Variants in PALLD observed in about 807,000 individuals in gnomAD.
PALLD encodes the protein palladin, cytoskeletal associated protein.
A neutral mutation model predicts 123.5 loss-of-function variants in PALLD; 61 were observed. The ratio of observed to expected loss-of-function variants is 0.49; its 90% CI spans 0.40 to 0.61. The LOEUF (loss-of-function observed/expected upper bound fraction) is 0.61, where lower values mean the gene tolerates loss of function less well. Ranked by LOEUF, PALLD falls within the 20% of genes least tolerant of loss-of-function variation. The probability of loss-of-function intolerance (pLI) is 0.00; values close to 1 mark genes in which losing one functional copy is unlikely to be tolerated. For missense variants in PALLD, 1,273 were observed against 1,377.0 expected, an observed-to-expected ratio of 0.92 and a Z score of 1.20; for synonymous variants, 465 against 496.4, an observed-to-expected ratio of 0.94 and a Z score of 0.84.
chr4:168,873,833 T>G (rs1170971446), intron 10 of PALLD, among the ~76,000 whole-genome samples: 1 of 152,140 alleles, frequency 6.6e-6, no homozygotes, highest in Non-Finnish European at 1.5e-5. Context: ...GGTGTGTGTC[T>G]CCAGTGCTAG....
intron 10 of PALLD, among the ~76,000 whole-genome samples, chr4:168,807,106 A>T (rs1043633751): frequency 6.6e-6 from 1 of 152,156 alleles, no homozygotes; most frequent in Admixed American, 6.5e-5. Flanking sequence ...ACTTCTTGGT[A>T]AGCAGGAGGA....
Position 168,796,160 on chromosome 4 carries a change from T to G in PALLD, c.1964+84237T>G, listed in dbSNP as rs6553115. Among the ~76,000 whole-genome samples, 822 of 152,296 alleles carry G rather than the reference T, an allele frequency of 5.4e-3. 5 individuals carry two copies. The highest frequency in any genetic ancestry group is 0.018 in the African/African-American group (745 of 41,558). On this transcript the variant is annotated intron_variant, in intron 10 of 21. Coordinates refer to ENST00000505667, the MANE Select transcript of PALLD (RefSeq NM_001166108.2). ...GGGTCTTATTCATTCTTCTATTTTTTTGTACCCATCAACCACCCTCACCTC... is the reference window on the plus strand; with the variant it reads ...GGGTCTTATTCATTCTTCTATTTTTGTGTACCCATCAACCACCCTCACCTC...
chr4:168,664,294 A>C (rs1211883892), intron 2 of PALLD, among the ~76,000 whole-genome samples: 1 of 152,230 alleles, frequency 6.6e-6, no homozygotes, highest in Non-Finnish European at 1.5e-5. Flanking sequence ...TTAAGGCTAA[A>C]GAAAATAATC....
chr4:168,518,661 A>C (rs991689847), intron 2 of PALLD, among the ~76,000 whole-genome samples: 5 of 152,142 alleles, frequency 3.3e-5, no homozygotes, highest in African/African-American at 9.7e-5. Flanking sequence ...ATGGCCTCCT[A>C]TAACTACTCT....
At chr4:168,832,113 C>T in intron 10 of PALLD, 2 of 985,460 alleles carry the variant, frequency 2.0e-6, no homozygotes, top group Non-Finnish European at 2.4e-6. Context: ...CCCGCTGCAG[C>T]TCCCGCTCGC....
rs553579018 is a variant in PALLD, at chr4:168,538,183, C to T, written c.908+25771C>T. ...ATTTTAAAAATAAGTAGAAGCAAAA[C>T]GGGAATGATAATTGAAAATGTATAG... On this transcript the variant is annotated intron_variant, in intron 2 of 21. Coordinates refer to ENST00000505667, the MANE Select transcript of PALLD (RefSeq NM_001166108.2). Among the ~76,000 whole-genome samples the T allele has an allele frequency of 4.6e-5, 7 of 152,162 alleles. No homozygotes were observed. In the East Asian group the frequency reaches 9.7e-4, roughly 21 times the overall value.
intron 10 of PALLD, among the ~76,000 whole-genome samples, chr4:168,797,371 G>A (rs6856258): frequency 0.36 from 55,168 of 151,516 alleles, 10,455 homozygotes; most frequent in East Asian, 0.6. Context: ...TTAGACCACC[G>A]TGACAATCAA....
intron 2 of PALLD, among the ~76,000 whole-genome samples, chr4:168,549,778 C>CA (rs11399128): frequency 0.38 from 55,905 of 148,064 alleles, 10,500 homozygotes; most frequent in East Asian, 0.65. Flanking sequence ...ACAAGAACCA[C>CA]AAAAAAAAAA....
chr4:168,626,714 G>GAAAAAAAAAAAAAAAAAA (rs767084915), intron 2 of PALLD, among the ~76,000 whole-genome samples: 1 of 100,392 alleles, frequency 1.0e-5, no homozygotes. Context: ...CTGCCTCCAG[G>GAAAAAAAAAAAAAAAAAA]AAAAAAAAAA....
In PALLD at chr4:168,580,562, T is replaced by C. The variant is rs192420369; in HGVS notation, c.908+68150T>C. On this transcript the variant is annotated intron_variant, in intron 2 of 21. Transcript: ENST00000505667. ...ACTTCAACCATTGTGGAAAGCAGTA[T>C]GGAAATTCCTCAAAGAACTAACTAC... Among the ~76,000 whole-genome samples the C allele has an allele frequency of 3.8e-4, 58 of 152,210 alleles. 1 individual carries two copies. Among genetic ancestry groups the C allele is most frequent in the Non-Finnish European group, 4.4e-5 (3 of 67,988 alleles).
chr4:168,613,627 A>G (rs1349213406), intron 2 of PALLD, among the ~76,000 whole-genome samples: 1 of 152,242 alleles, frequency 6.6e-6, no homozygotes, highest in African/African-American at 2.4e-5. Context: ...TGGGGAGAAG[A>G]ATCCTACCTC....
At chr4:168,813,889 CCTT>C (rs750547023) in intron 10 of PALLD, among the ~76,000 whole-genome samples, 12 of 152,212 alleles carry the variant, frequency 7.9e-5, no homozygotes, top group Admixed American at 5.2e-4. Context: ...GCATAAGGAA[CCTT>C]CTCCCCACAT....
At chr4:168,690,460 C>T (rs1232836752) in intron 6 of PALLD, 143 bp from the exon 7 acceptor site, 5 of 997,536 alleles carry the variant, frequency 5.0e-6, no homozygotes, top group Non-Finnish European at 6.4e-6. Flanking sequence ...TGAGTCAGTG[C>T]TAATTATTTG....
chr4:168,615,354 A>G (rs1774123587), intron 2 of PALLD, among the ~76,000 whole-genome samples: 1 of 152,190 alleles, frequency 6.6e-6, no homozygotes, highest in Non-Finnish European at 1.5e-5. Flanking sequence ...GGGAAAAACA[A>G]TTTATCTTCA....
intron 10 of PALLD, among the ~76,000 whole-genome samples, chr4:168,729,306 T>C (rs750032892): frequency 6.6e-6 from 1 of 151,794 alleles, no homozygotes; most frequent in Admixed American, 6.6e-5. Context: ...GCTGGGACTA[T>C]AGGCATGCAC....
chr4:168,656,238 C>CCCCCCCCA (rs927655713), intron 2 of PALLD, among the ~76,000 whole-genome samples: 2 of 125,312 alleles, frequency 1.6e-5, no homozygotes, highest in Non-Finnish European at 3.2e-5. Context: ...CCATTCTCCA[C>CCCCCCCCA]CCCCCCACCC....
intron 14 of PALLD, 58 bp downstream of exon 14, chr4:168,898,772 C>A: frequency 9.6e-7 from 1 of 1,037,178 alleles, no homozygotes. Flanking sequence ...GTTTAGCTTC[C>A]AAAACATAGC....
At chr4:168,878,836 G>C (rs909351307) in intron 10 of PALLD, among the ~76,000 whole-genome samples, 1 of 152,098 alleles carries the variant, frequency 6.6e-6, no homozygotes, top group Non-Finnish European at 1.5e-5. Context: ...GGGTCACATA[G>C]CCACTAAACC....
chr4:168,657,008 T>C (rs960494178), intron 2 of PALLD, among the ~76,000 whole-genome samples: 1 of 152,184 alleles, frequency 6.6e-6, no homozygotes, highest in Non-Finnish European at 1.5e-5. Context: ...GTATTACTGA[T>C]GTCTGCCATA....
Sources: allele counts gnomAD v4.1 joint callset (sites outside exome capture counted in the v4.1 genomes callset), GRCh38; gene constraint gnomAD v4.1.1; transcripts MANE v1.5; gene names NCBI Gene and HGNC (gene_info 2026-07-23, HGNC 2026-07-21).